The following PTPRO variants were observed in gnomAD, a reference collection of about 807,000 sequenced individuals.
PTPRO encodes protein tyrosine phosphatase receptor type O.
Under a neutral mutation model 145.2 loss-of-function variants are expected in PTPRO, and 62 were observed. The observed-to-expected ratio is 0.43, with a 90% confidence interval of 0.35 to 0.53. The LOEUF is 0.53. Among genes scored for constraint, PTPRO ranks in the 20% least tolerant of loss-of-function variants. The pLI is 0.01. For missense variants in PTPRO, 1,345 were observed against 1,482.7 expected (o/e 0.91, Z 1.53); for synonymous variants, 565 against 514.7 (o/e 1.10, Z -1.32).
rs1591791864 is a variant in PTPRO at position 15,415,534 on chromosome 12, G to GCCCA, written c.76-68438_76-68437insCACC. Among the ~76,000 whole-genome samples the GCCCA allele has an allele frequency of 9.2e-5, 14 of 151,972 alleles. 1 individual carries two copies. In the East Asian group the frequency reaches 2.5e-3, roughly 27 times the overall value. ...CGAGTAGCTGGGACTACAGGCACCT[G>GCCCA]CCACCACACCCGGCTAATTTTTTGT... is the stretch of plus-strand genomic sequence containing the variant. On this transcript the variant is annotated intron_variant, in intron 1 of 26. Transcript: ENST00000281171.
At chr12:15,411,749 T>G (rs1025100735) in intron 1 of PTPRO, among the ~76,000 whole-genome samples, 4 of 152,234 alleles carry the variant, frequency 2.6e-5, no homozygotes, top group African/African-American at 9.7e-5. Context: ...AAATACAACC[T>G]ACTTAGAAAG....
At chr12:15,441,808 A>G (rs905483034) in intron 1 of PTPRO, among the ~76,000 whole-genome samples, 1 of 152,174 alleles carries the variant, frequency 6.6e-6, no homozygotes, top group African/African-American at 2.4e-5. Flanking sequence ...TCAAGAAGAA[A>G]TTGAAACATT....
chr12:15,466,623 G>C (rs1481760078), intron 1 of PTPRO, among the ~76,000 whole-genome samples: 3 of 152,120 alleles, frequency 2.0e-5, no homozygotes, highest in Non-Finnish European at 2.9e-5. Flanking sequence ...ACTATGGCAA[G>C]CACCTTAATT....
At chr12:15,503,806 A>G (rs2136473825) in intron 5 of PTPRO, 102 bp from the exon 6 acceptor site, 2 of 852,262 alleles carry the variant, frequency 2.3e-6, no homozygotes, top group Non-Finnish European at 3.6e-6. Context: ...AAAGGAGGGA[A>G]CATTTAAAAC....
chr12:15,534,494 G>A (rs963414886), intron 12 of PTPRO, among the ~76,000 whole-genome samples: 2 of 152,148 alleles, frequency 1.3e-5, no homozygotes, highest in African/African-American at 2.4e-5. Context: ...TGTTCACAAG[G>A]AGCTTATGAT....
At chr12:15,482,743 A>T (rs532832293) in intron 1 of PTPRO, among the ~76,000 whole-genome samples, 1 of 152,298 alleles carries the variant, frequency 6.6e-6, no homozygotes, top group African/African-American at 2.4e-5. Context: ...CGTCAATTTA[A>T]TCAGCCATTC....
intron 10 of PTPRO, among the ~76,000 whole-genome samples, chr12:15,520,578 G>A (rs1378895652): frequency 6.6e-6 from 1 of 152,044 alleles, no homozygotes; most frequent in Admixed American, 6.5e-5. Flanking sequence ...TCTCCGGCTG[G>A]GATTGATTAG....
At chr12:15,449,967 A>T (rs1213112054) in intron 1 of PTPRO, among the ~76,000 whole-genome samples, 2 of 152,228 alleles carry the variant, frequency 1.3e-5, no homozygotes, top group Non-Finnish European at 2.9e-5. Flanking sequence ...TTGACAATTT[A>T]TGATTCAAGT....
chr12:15,411,139 A>C (rs2136312799), intron 1 of PTPRO, among the ~76,000 whole-genome samples: 1 of 152,284 alleles, frequency 6.6e-6, no homozygotes, highest in African/African-American at 2.4e-5. Flanking sequence ...TTAACTGAAA[A>C]AATTAAGAGA....
chr12:15,474,773 A>G (rs896659828), intron 1 of PTPRO, among the ~76,000 whole-genome samples: 1 of 152,200 alleles, frequency 6.6e-6, no homozygotes, highest in Non-Finnish European at 1.5e-5. Context: ...TTCCTGCTCT[A>G]CTTCTCAGCA....
At chr12:15,361,133 T>G (rs1248802208) in intron 1 of PTPRO, among the ~76,000 whole-genome samples, 1 of 151,588 alleles carries the variant, frequency 6.6e-6, no homozygotes, top group Non-Finnish European at 1.5e-5. Context: ...CAAGAATCAC[T>G]TGCTGCAGAA....
intron 1 of PTPRO, among the ~76,000 whole-genome samples, chr12:15,479,868 G>A (rs1442764395): frequency 6.6e-6 from 1 of 152,154 alleles, no homozygotes; most frequent in East Asian, 1.9e-4. Context: ...GATCACCACA[G>A]TCCTGTTCAC....
intron 1 of PTPRO, among the ~76,000 whole-genome samples, chr12:15,414,701 C>A (rs73303728): frequency 0.035 from 5,347 of 152,256 alleles, 312 homozygotes; most frequent in African/African-American, 0.12. Context: ...TACCTTCTCT[C>A]CTTCACACTT....
At chr12:15,476,747 A>ACTGGCCATCAGAG (rs1235610618) in intron 1 of PTPRO, among the ~76,000 whole-genome samples, 1 of 151,930 alleles carries the variant, frequency 6.6e-6, no homozygotes, top group African/African-American at 2.4e-5. Context: ...AACACATGAA[A>ACTGGCCATCAGAG]AAATGCTCAT....
intron 1 of PTPRO, among the ~76,000 whole-genome samples, chr12:15,366,244 G>A (rs1938356932): frequency 6.6e-6 from 1 of 152,142 alleles, no homozygotes; most frequent in Non-Finnish European, 1.5e-5. Flanking sequence ...ACTTTCGGTT[G>A]CTAGTTGTTA....
intron 14 of PTPRO, among the ~76,000 whole-genome samples, chr12:15,550,426 T>C (rs779218953): frequency 2.6e-5 from 4 of 152,086 alleles, no homozygotes; most frequent in Non-Finnish European, 5.9e-5. Flanking sequence ...AGATAATCCA[T>C]ATATATGTGA....
Position 15,589,587 on chromosome 12 carries a change from A to C in PTPRO, c.3543A>C (p.Thr1181=). 6.2e-7 allele frequency: 1 copy of C among 1,614,072 alleles called. No individual in the cohort carries two copies. Among genetic ancestry groups the C allele is most frequent in the Non-Finnish European group, 8.5e-7 (1 of 1,179,948 alleles). Residue 1181 remains threonine (T), a synonymous_variant, in exon 25 of 27, where the codon ACA becomes ACC. Transcript: ENST00000281171. ...CATACCGGATGTCTATGGTACAGAC[A>C]GAGGTAGGAACATAATCTATATGTA... is the stretch of plus-strand genomic sequence containing the variant. ...MRSYRMSMVQ[T]EEQYIFIHQC...
intron 1 of PTPRO, among the ~76,000 whole-genome samples, chr12:15,476,095 G>A (rs1487040689): frequency 6.6e-6 from 1 of 152,210 alleles, no homozygotes; most frequent in Non-Finnish European, 1.5e-5. Context: ...AGAAGTTTAA[G>A]AAGTATTGCT....
At chr12:15,516,230 G>A (rs1942582069) in intron 8 of PTPRO, among the ~76,000 whole-genome samples, 1 of 149,026 alleles carries the variant, frequency 6.7e-6, no homozygotes, top group South Asian at 2.1e-4. Flanking sequence ...CTCGTGATCT[G>A]CCCACCTTGG....
Sources: gnomAD v4.1 joint callset for allele counts (sites outside exome capture counted in the v4.1 genomes callset) on GRCh38, gnomAD v4.1.1 for gene constraint, MANE v1.5 for transcripts, NCBI Gene and HGNC (gene_info 2026-07-23, HGNC 2026-07-21) for gene names.